MRPS9: variants seen among roughly 807,000 people sequenced by gnomAD.
The protein encoded by MRPS9 is small ribosomal subunit protein uS9m.
A neutral mutation model predicts 59.9 loss-of-function variants in MRPS9; 45 were observed. The observed-to-expected ratio is 0.75, with a 90% CI of 0.59 to 0.96. The LOEUF (loss-of-function observed/expected upper bound fraction) is 0.96, where lower values mean the gene tolerates loss of function less well. Ranked by LOEUF, MRPS9 falls within the 40% of genes least tolerant of loss-of-function variation. The probability of loss-of-function intolerance (pLI) is 0.00; values close to 1 mark genes in which losing one functional copy is unlikely to be tolerated. For synonymous variants in MRPS9, 171 were observed against 166.8 expected (o/e 1.03, Z -0.19); for missense variants, 473 against 481.1 (o/e 0.98, Z 0.16).
At position 105,051,849 on chromosome 2, in the gene MRPS9, G is replaced by A. The variant is rs145654617; in HGVS notation, c.315+2499G>A. Among the ~76,000 whole-genome samples, 15 of 152,190 alleles carry A rather than the reference G, an allele frequency of 9.9e-5. No individual in the cohort carries two copies. In the South Asian group the frequency reaches 1.0e-3, roughly 11 times the overall value. ...AATATTTTTGGGTTTCTTATTGCAA[G>A]TGAATACAGTTGATTTTTGTATATT... On this transcript the variant is annotated intron_variant, in intron 2 of 10. Transcript: ENST00000258455.
chr2:105,040,094 A>C (rs1679475983), intron 1 of MRPS9, among the ~76,000 whole-genome samples: 1 of 152,230 alleles, frequency 6.6e-6, no homozygotes, highest in Non-Finnish European at 1.5e-5. Context: ...GATATAACTG[A>C]AACACTTAGC....
At chr2:105,092,670 T>G (rs1573449435) in intron 8 of MRPS9, 101 bp downstream of exon 8, 2 of 1,086,092 alleles carry the variant, frequency 1.8e-6, no homozygotes, top group Non-Finnish European at 2.5e-6. Flanking sequence ...GATTTTTTAT[T>G]TGTTTATTTT....
chr2:105,057,904 G>A (rs1029292020), intron 2 of MRPS9, among the ~76,000 whole-genome samples: 3 of 152,038 alleles, frequency 2.0e-5, no homozygotes, highest in Admixed American at 1.3e-4. Flanking sequence ...GGAATTAAAA[G>A]TTAAGTTCTA....
intron 1 of MRPS9, among the ~76,000 whole-genome samples, chr2:105,045,021 T>G (rs1051652410): frequency 2.0e-5 from 3 of 152,082 alleles, no homozygotes; most frequent in Admixed American, 6.5e-5. Flanking sequence ...GTGGCTGCAG[T>G]AAGCAGAATT....
chr2:105,097,037 A>G (rs188230487), intron 9 of MRPS9, 118 bp from the exon 10 acceptor site: 28 of 1,067,032 alleles, frequency 2.6e-5, no homozygotes, highest in Non-Finnish European at 3.5e-5. Flanking sequence ...GAGAAGTATG[A>G]AAAGTATAAC....
rs776883347 is a variant in MRPS9, at chr2:105,097,255, A to G, written c.1030A>G (p.Ile344Val). 1 of 1,613,152 alleles carries G rather than the reference A, an allele frequency of 6.2e-7. No individual in the cohort carries two copies. The part of the protein sequence containing the change: ...GGGRSAQAGA[I>V]RLAMAKALCS... The stretch of plus-strand genomic sequence containing the variant: ...CGGGAGGTCAGCGCAGGCTGGAGCA[A>G]TACGACTGGCAATGGCAAAAGCCTT... The change falls in exon 10 of 11, where the codon ATA becomes GTA. Residue 344 changes from isoleucine to valine, a missense_variant. Coordinates refer to ENST00000258455, the MANE Select transcript of MRPS9 (RefSeq NM_182640.3).
At chr2:105,060,219 T>G (rs974686933) in intron 2 of MRPS9, among the ~76,000 whole-genome samples, 2 of 152,212 alleles carry the variant, frequency 1.3e-5, no homozygotes, top group Non-Finnish European at 2.9e-5. Flanking sequence ...AATACCCTCC[T>G]TAGTGTTAAT....
At chr2:105,043,871 G>A (rs1208893219) in intron 1 of MRPS9, among the ~76,000 whole-genome samples, 1 of 151,068 alleles carries the variant, frequency 6.6e-6, no homozygotes, top group Non-Finnish European at 1.5e-5. Context: ...CTGAGCTTGT[G>A]ATCGGCCTGC....
intron 4 of MRPS9, among the ~76,000 whole-genome samples, chr2:105,072,158 A>T (rs1680127198): frequency 6.6e-6 from 1 of 152,194 alleles, no homozygotes; most frequent in African/African-American, 2.4e-5. Flanking sequence ...CATTTCTTTA[A>T]AAAACACTCA....
At chr2:105,058,169 A>G (rs749055556) in intron 2 of MRPS9, among the ~76,000 whole-genome samples, 3 of 152,250 alleles carry the variant, frequency 2.0e-5, no homozygotes, top group Non-Finnish European at 2.9e-5. Flanking sequence ...AGGCATGTCT[A>G]AGTACAACTG....
intron 2 of MRPS9, among the ~76,000 whole-genome samples, chr2:105,050,828 A>C (rs983356466): frequency 6.6e-6 from 1 of 152,202 alleles, no homozygotes; most frequent in South Asian, 2.1e-4. Context: ...GGACTTTCAT[A>C]TAAGTAGAGT....
Position 105,097,371 on chromosome 2 carries a change from C to T in MRPS9, c.1099+47C>T, listed in dbSNP as rs1680688348. The T allele has an allele frequency of 2.1e-6, 3 of 1,436,044 alleles. No individual in the cohort carries two copies. The African/African-American group carries it at 4.3e-5, about 21-fold the overall frequency. The allele number at this position is 1,436,044 out of a possible 1,614,324, so 89.0% of individuals were successfully genotyped here. A position where few individuals can be genotyped will look rare whatever the true frequency, so the allele number is the denominator to read the frequency against. ...GCATGGTGGCCCAATACTGGCTATACATGTTCATCTGCTTCTTGTCCTAGT... is the reference window on the plus strand; with the variant it reads ...GCATGGTGGCCCAATACTGGCTATATATGTTCATCTGCTTCTTGTCCTAGT... On this transcript the variant is annotated intron_variant, in intron 10 of 10. Transcript: ENST00000258455.
chr2:105,059,998 C>G (rs1679865355), intron 2 of MRPS9, among the ~76,000 whole-genome samples: 1 of 123,458 alleles, frequency 8.1e-6, no homozygotes, highest in South Asian at 2.8e-4. Context: ...GTTTCTGAAT[C>G]ACATAACAGG....
chr2:105,092,245 A>G (rs1326855881), intron 7 of MRPS9, 156 bp from the exon 8 acceptor site: 21 of 517,456 alleles, frequency 4.1e-5, no homozygotes, highest in Non-Finnish European at 6.2e-5. Context: ...ATGCATCTGC[A>G]TGCTGTTTTA....
chr2:105,093,349 T>C (rs954280870), intron 8 of MRPS9, among the ~76,000 whole-genome samples, 181 bp from the exon 9 acceptor site: 3 of 152,190 alleles, frequency 2.0e-5, no homozygotes, highest in Admixed American at 1.3e-4. Context: ...TGAGCTTTAT[T>C]GCATCTGTTG....
chr2:105,095,498 C>CTTT (rs1178730252), intron 9 of MRPS9, among the ~76,000 whole-genome samples: 4 of 122,566 alleles, frequency 3.3e-5, no homozygotes, highest in South Asian at 2.6e-4. Flanking sequence ...TTTTTTTTTT[C>CTTT]TTTTTTTTTT....
intron 1 of MRPS9, chr2:105,038,472 C>T: frequency 5.9e-6 from 3 of 504,576 alleles, no homozygotes; most frequent in Non-Finnish European, 1.1e-5. Context: ...AGAAGTGGAG[C>T]GACCTCCTCC....
Position 105,038,198 on chromosome 2 carries a change from CCTGAGTTGCAAACAAATGT to C in MRPS9, c.108_126del (p.Glu37AspfsTer5), listed in dbSNP as rs1443794820. Reference sequence around the variant, plus strand: ...GCAAGGCCTCTGGAAAACCGCGGCCCCTGAGTTGCAAACAAATGTCAGATCCCAGGTAAGGCCTGGGAAG... The same window carrying C: ...GCAAGGCCTCTGGAAAACCGCGGCCCCAGATCCCAGGTAAGGCCTGGGAAG... On this transcript the variant is annotated frameshift_variant, in exon 1 of 11. Transcript: ENST00000258455. LOFTEE classifies it high-confidence loss of function. The C allele has an allele frequency of 6.2e-7, 1 of 1,612,800 alleles. No homozygotes were observed. Among genetic ancestry groups the C allele is most frequent in the Non-Finnish European group, 8.5e-7 (1 of 1,179,492 alleles).
At chr2:105,076,769 T>G (rs766935528) in intron 4 of MRPS9, among the ~76,000 whole-genome samples, 3 of 152,216 alleles carry the variant, frequency 2.0e-5, no homozygotes, top group Non-Finnish European at 4.4e-5. Flanking sequence ...TATGTTGAAG[T>G]TAAAAATTTC....
Sources: gnomAD v4.1 joint callset for allele counts (sites outside exome capture counted in the v4.1 genomes callset) on GRCh38, gnomAD v4.1.1 for gene constraint, MANE v1.5 for transcripts, NCBI Gene and HGNC (gene_info 2026-07-23, HGNC 2026-07-21) for gene names.